Variants in COL28A1 observed in about 807,000 individuals in gnomAD.
COL28A1 encodes collagen alpha-1(XXVIII) chain.
COL28A1 carries 161 observed loss-of-function variants against 150.2 expected under a neutral mutation model. The ratio of observed to expected loss-of-function variants is 1.07; its 90% CI spans 0.94 to 1.22. COL28A1 has a LOEUF of 1.22. Ranked by LOEUF, COL28A1 falls within the 50% of genes most tolerant of loss-of-function variation. The probability of loss-of-function intolerance (pLI) is 0.00; values close to 1 mark genes in which losing one functional copy is unlikely to be tolerated. For missense variants in COL28A1, 1,617 were observed against 1,388.3 expected (o/e 1.16, Z -2.62); for synonymous variants, 552 against 469.7 (o/e 1.18, Z -2.26).
chr7:7,355,104 A>C (rs905528956), downstream of COL28A1, among the ~76,000 whole-genome samples: 1 of 152,218 alleles, frequency 6.6e-6, no homozygotes. Context: ...TTGTTAAAAT[A>C]AGAAAAAAGT....
chr7:7,531,369 T>C lies in COL28A1; in HGVS notation c.660A>G (p.Val220=), dbSNP rs759915928. The change falls in exon 3 of 35, where the codon GTA becomes GTG. Residue 220 remains valine, a synonymous_variant. Transcript: ENST00000399429. Reference sequence around the variant, plus strand: ...CTACCAGACGATCTTGAATTTTATCTACAAGGGTTGGATCACTCAACAGTA... The same window carrying C: ...CTACCAGACGATCTTGAATTTTATCCACAAGGGTTGGATCACTCAACAGTA... ...PTLLLSDPTL[V]DKIQDRLDIL... is the part of the protein sequence containing the mutation. The C allele has an allele frequency of 1.4e-5, 22 of 1,531,074 alleles. No homozygotes were observed. Among genetic ancestry groups the C allele is most frequent in the Non-Finnish European group, 2.0e-5 (22 of 1,122,912 alleles). 94.8% of individuals were successfully genotyped at this position (1,531,074 alleles called of 1,614,324 possible). A position where few individuals can be genotyped will look rare whatever the true frequency, so the allele number is the denominator to read the frequency against.
chr7:7,425,981 A>G (rs1266781504), intron 25 of COL28A1, among the ~76,000 whole-genome samples: 1 of 152,180 alleles, frequency 6.6e-6, no homozygotes, highest in Admixed American at 6.5e-5. Context: ...CACACTAATG[A>G]GGCTTTAATC....
At chr7:7,429,417 C>A (rs1018255604) in intron 25 of COL28A1, among the ~76,000 whole-genome samples, 1 of 138,508 alleles carries the variant, frequency 7.2e-6, no homozygotes, top group African/African-American at 3.2e-5. Context: ...CTCTCTCTCT[C>A]TCTCTCTCTC....
At chr7:7,379,891 A>G (rs1781772569) in intron 30 of COL28A1, among the ~76,000 whole-genome samples, 1 of 152,162 alleles carries the variant, frequency 6.6e-6, no homozygotes, top group African/African-American at 2.4e-5. Flanking sequence ...AGCCCGCAGA[A>G]CACATGTGCA....
chr7:7,407,777 T>C (rs1016188915), intron 27 of COL28A1, among the ~76,000 whole-genome samples: 2 of 152,016 alleles, frequency 1.3e-5, no homozygotes. Context: ...TAAATCTAAA[T>C]AAACAGTGAC....
rs538279297 is a variant in COL28A1 at position 7,417,939 on chromosome 7, T to C, written c.2068-12A>G. ...TGCCCAGTATCACCCTGTTAGAAGA[T>C]GGGGAGAATTTGAAGACAAAATGTA... On this transcript the variant is annotated splice_polypyrimidine_tract_variant and intron_variant, in intron 26 of 34. Coordinates refer to ENST00000399429, the MANE Select transcript of COL28A1 (RefSeq NM_001037763.3). 1.3e-5 allele frequency: 21 copies of C among 1,599,944 alleles called. No homozygotes were observed. In the African/African-American group the frequency reaches 2.4e-4, roughly 18 times the overall value.
In COL28A1 at chr7:7,463,147, G is replaced by A. The variant is rs543190832; in HGVS notation, c.1303-7035C>T. ...GAGGAAAACTTCCCCACCCCTGCTA[G>A]AGAACTAGATATCAAAATACAAGAA... On this transcript the variant is annotated intron_variant, in intron 15 of 34. Coordinates refer to ENST00000399429, the MANE Select transcript of COL28A1 (RefSeq NM_001037763.3). Among the ~76,000 whole-genome samples the A allele has an allele frequency of 2.6e-5, 4 of 152,132 alleles. No individual in the cohort carries two copies. The East Asian group carries it at 7.7e-4, about 29-fold the overall frequency.
At chr7:7,539,143 A>G (rs1409553153), upstream of COL28A1, among the ~76,000 whole-genome samples, 1 of 152,154 alleles carries the variant, frequency 6.6e-6, no homozygotes, top group African/African-American at 2.4e-5. Context: ...GTCTTAGTCC[A>G]TTTTGTGTTG....
At chr7:7,391,266 T>C (rs1273739527) in intron 27 of COL28A1, among the ~76,000 whole-genome samples, 1 of 152,198 alleles carries the variant, frequency 6.6e-6, no homozygotes, top group African/African-American at 2.4e-5. Context: ...GGTTGTTCAG[T>C]TTCCATGTAG....
intron 33 of COL28A1, among the ~76,000 whole-genome samples, chr7:7,363,195 A>T (rs977786907): frequency 5.9e-5 from 9 of 152,184 alleles, no homozygotes; most frequent in Non-Finnish European, 1.2e-4. Context: ...AGAAGGTGAG[A>T]CTGTTCCATT....
At chr7:7,464,829 A>G (rs892213528) in intron 15 of COL28A1, among the ~76,000 whole-genome samples, 3 of 152,218 alleles carry the variant, frequency 2.0e-5, no homozygotes, top group African/African-American at 7.2e-5. Context: ...ACTGAATGAA[A>G]TTGAAAATTA....
intron 3 of COL28A1, among the ~76,000 whole-genome samples, chr7:7,530,079 A>G (rs1283549330): frequency 6.6e-6 from 1 of 152,184 alleles, no homozygotes; most frequent in Non-Finnish European, 1.5e-5. Flanking sequence ...GTTCTGATTG[A>G]GAAAATATTT....
chr7:7,350,206 G>A, the COL28A1 span, among the ~76,000 whole-genome samples: 1 of 152,088 alleles, frequency 6.6e-6, no homozygotes, highest in South Asian at 2.1e-4. Flanking sequence ...AGAGGAACAG[G>A]AAGAAGTAAG....
chr7:7,442,762 C>T (rs189617655), intron 20 of COL28A1, among the ~76,000 whole-genome samples: 13 of 152,232 alleles, frequency 8.5e-5, no homozygotes, highest in East Asian at 1.9e-4. Flanking sequence ...GAAGCCCAGG[C>T]GCGGTGGCTC....
Position 7,532,736 on chromosome 7 carries a change from A to AT in COL28A1, c.124+15dup, listed in dbSNP as rs60871237. ...AACAGGCTAAACTTAAAAACAAACA[A>AT]TTTTTTTTTTTTTACCCTGGACATC... is the stretch of plus-strand genomic sequence containing the variant. On this transcript the variant is annotated intron_variant, in intron 2 of 34. Transcript: ENST00000399429. 50,028 of 1,002,796 alleles carry AT rather than the reference A, an allele frequency of 0.05. 952 individuals carry two copies. The highest frequency in any genetic ancestry group is 0.23 in the African/African-American group (14,850 of 63,648). The allele number at this position is 1,002,796 out of a possible 1,614,324, so 62.1% of individuals were successfully genotyped here.
chr7:7,373,589 G>C lies in COL28A1; in HGVS notation c.2360-43C>G. On this transcript the variant is annotated intron_variant, in intron 31 of 34. Transcript: ENST00000399429. This position sits in a 1 kb window ranked among gnomAD's most constrained non-coding sequence, Gnocchi z 4.1. ...AGAGAGAAAAATTGTGGGAATGATT[G>C]ACATCAGATTGTTGAGGGGAGGGGA... 6.5e-7 allele frequency: 1 copy of C among 1,540,238 alleles called. No homozygotes were observed. Among genetic ancestry groups the C allele is most frequent in the Non-Finnish European group, 8.8e-7 (1 of 1,130,714 alleles).
chr7:7,417,516 A>C (rs1583323783), intron 27 of COL28A1: 2 of 153,348 alleles, frequency 1.3e-5, no homozygotes, highest in South Asian at 8.5e-5. Flanking sequence ...GGAGGGAAGG[A>C]GGGAGGGGGG....
intron 27 of COL28A1, among the ~76,000 whole-genome samples, chr7:7,386,879 C>A (rs1365968891): frequency 6.6e-6 from 1 of 152,136 alleles, no homozygotes; most frequent in Non-Finnish European, 1.5e-5. Context: ...TCTCACAGTT[C>A]TGGAGGCTAG....
chr7:7,439,573 C>A lies in COL28A1; in HGVS notation c.1722+1217G>T, dbSNP rs180906643. 2.1e-4 allele frequency among the ~76,000 whole-genome samples: 32 copies of A among 152,230 alleles called. No homozygotes were observed. In the East Asian group the frequency reaches 5.2e-3, roughly 25 times the overall value. On this transcript the variant is annotated intron_variant, in intron 21 of 34. Transcript: ENST00000399429. ...TACCCTGTATTAAGGGGTGATTATG[C>A]TTTAACATATGGCAATTCTTCACCT...
Sources: gnomAD v4.1 joint callset for allele counts (sites outside exome capture counted in the v4.1 genomes callset) on GRCh38, gnomAD v4.1.1 for gene constraint, Gnocchi (gnomAD v3.1) non-coding constraint, MANE v1.5 for transcripts, NCBI Gene and HGNC (gene_info 2026-07-23, HGNC 2026-07-21) for gene names.